The following POLE2 variants were observed in gnomAD, a reference collection of about 807,000 sequenced individuals.
The protein encoded by POLE2 is DNA polymerase epsilon 2, accessory subunit.
A neutral mutation model predicts 79.4 loss-of-function variants in POLE2; 56 were observed. The ratio of observed to expected loss-of-function variants is 0.71; its 90% CI spans 0.57 to 0.88. The LOEUF is 0.88. Ranked by LOEUF, POLE2 falls within the 40% of genes least tolerant of loss-of-function variation. The pLI, the probability that POLE2 is intolerant of heterozygous loss-of-function variation, is 0.00. For missense variants in POLE2, 598 were observed against 638.9 expected (o/e 0.94, Z 0.69); for synonymous variants, 212 against 214.0 (o/e 0.99, Z 0.08).
At chr14:49,665,678 T>G (rs200041138) in intron 7 of POLE2, among the ~76,000 whole-genome samples, 10 of 127,066 alleles carry the variant, frequency 7.9e-5, no homozygotes, top group Admixed American at 4.7e-4. Context: ...TTTTTCTGGG[T>G]TTTTTTTTTT....
chr14:49,669,538 C>T lies in POLE2; in HGVS notation c.478G>A (p.Gly160Arg), dbSNP rs752482051. Residue 160 changes from glycine to arginine, a missense_variant, in exon 6 of 19, where the codon GGA (glycine) becomes AGA (arginine). Coordinates refer to ENST00000216367, the MANE Select transcript of POLE2 (RefSeq NM_002692.4). Reference sequence around the variant, plus strand: ...AATGTTCTAACCTGGAATTTGCTTCCGCTTTCATCAGGGTGAGAACCTATC... The same window carrying T: ...AATGTTCTAACCTGGAATTTGCTTCTGCTTTCATCAGGGTGAGAACCTATC... ...PVIGSHPDESGSKFQLKTIET... is the reference protein window; with the variant it reads ...PVIGSHPDESRSKFQLKTIET... 54 of 1,582,620 alleles carry T rather than the reference C, an allele frequency of 3.4e-5. No homozygotes were observed. Among genetic ancestry groups the T allele is most frequent in the Non-Finnish European group, 4.5e-5 (52 of 1,151,704 alleles).
chr14:49,666,241 A>G (rs1885482533), intron 7 of POLE2, 89 bp downstream of exon 7: 3 of 701,786 alleles, frequency 4.3e-6, no homozygotes, highest in Non-Finnish European at 2.5e-6. Flanking sequence ...TAAAGAATAC[A>G]TTCCTGTGCC....
Position 49,683,695 on chromosome 14 carries a change from TAAGAA to T in POLE2, c.69-7_69-3del. 2 of 1,469,804 alleles carry T rather than the reference TAAGAA, an allele frequency of 1.4e-6. No homozygotes were observed. The highest frequency in any genetic ancestry group is 9.4e-7 in the Non-Finnish European group (1 of 1,062,470). The allele number at this position is 1,469,804 out of a possible 1,614,324, so 91.0% of individuals were successfully genotyped here. On this transcript the variant is annotated splice_region_variant and splice_polypyrimidine_tract_variant and intron_variant, in intron 1 of 18. Coordinates refer to ENST00000216367, the MANE Select transcript of POLE2 (RefSeq NM_002692.4). Reference sequence around the variant, plus strand: ...TCTGTGAGGTACTTAATAGCTTCACTAAGAAAAGGAAAGGAAAAATGAGGCAGGTC... The same window carrying T: ...TCTGTGAGGTACTTAATAGCTTCACTAAGGAAAGGAAAAATGAGGCAGGTC...
chr14:49,646,301 G>GTTTTTTTTTTTTTTTTTT lies in POLE2; in HGVS notation c.1565+991_1565+992insAAAAAAAAAAAAAAAAAA, dbSNP rs1566522550. 6.6e-5 allele frequency among the ~76,000 whole-genome samples: 6 copies of GTTTTTTTTTTTTTTTTTT among 90,770 alleles called. 1 individual carries two copies. Among genetic ancestry groups the GTTTTTTTTTTTTTTTTTT allele is most frequent in the African/African-American group, 2.8e-4 (6 of 21,068 alleles). The allele number at this position is 90,770 out of a possible 152,430, so 59.5% of individuals were successfully genotyped here. A position where few individuals can be genotyped will look rare whatever the true frequency, so the allele number is the denominator to read the frequency against. Reference sequence around the variant, plus strand: ...TGATTTGGTCAGTTGTTTTTTTGTTGGTTTTTTTTTTTTTTTTTTTTTTTT... The same window carrying GTTTTTTTTTTTTTTTTTT: ...TGATTTGGTCAGTTGTTTTTTTGTTGTTTTTTTTTTTTTTTTTTGTTTTTTTTTTTTTTTTTTTTTTTT... On this transcript the variant is annotated intron_variant, in intron 18 of 18. Coordinates refer to ENST00000216367, the MANE Select transcript of POLE2 (RefSeq NM_002692.4).
chr14:49,677,215 T>C (rs1322574910), intron 3 of POLE2, among the ~76,000 whole-genome samples: 1 of 152,194 alleles, frequency 6.6e-6, no homozygotes, highest in Non-Finnish European at 1.5e-5. Context: ...CAACATCCTT[T>C]ACCTCACGGC....
intron 10 of POLE2, 46 bp from the exon 11 acceptor site, chr14:49,655,889 T>A (rs1159205878): frequency 2.1e-6 from 2 of 974,604 alleles, no homozygotes; most frequent in Non-Finnish European, 3.1e-6. Flanking sequence ...ACTAGAGATA[T>A]TTTTCTAATA....
chr14:49,666,644 G>A (rs916785065), intron 6 of POLE2, among the ~76,000 whole-genome samples: 3 of 152,044 alleles, frequency 2.0e-5, no homozygotes, highest in African/African-American at 4.8e-5. Context: ...ACACCACATC[G>A]ACTCAGGCTC....
At position 49,666,437 on chromosome 14, in the gene POLE2, T is replaced by A. The variant is rs1885498764; in HGVS notation, c.493-24A>T. ...AGCTAAAATAAAACAAAATAAATTT[T>A]AAAGACTGTAAATATATTCTTTCAA... On this transcript the variant is annotated intron_variant, in intron 6 of 18. Coordinates refer to ENST00000216367, the MANE Select transcript of POLE2 (RefSeq NM_002692.4). The A allele has an allele frequency of 3.9e-6, 4 of 1,024,056 alleles. No homozygotes were observed. The African/African-American group carries it at 5.1e-5, about 13-fold the overall frequency. The allele number at this position is 1,024,056 out of a possible 1,614,324, so 63.4% of individuals were successfully genotyped here.
intron 2 of POLE2, among the ~76,000 whole-genome samples, chr14:49,682,398 G>A (rs890242583): frequency 1.3e-5 from 2 of 151,510 alleles, no homozygotes; most frequent in Non-Finnish European, 2.9e-5. Context: ...AGCACTTTGG[G>A]AGGCCGAGGT....
chr14:49,674,452 G>A, intron 3 of POLE2, 25 bp from the exon 4 acceptor site: 1 of 1,442,292 alleles, frequency 6.9e-7, no homozygotes, highest in Non-Finnish European at 9.7e-7. Flanking sequence ...ACAAAATACA[G>A]ACCTGATTTA....
chr14:49,655,564 G>T, intron 11 of POLE2, 107 bp downstream of exon 11: 1 of 783,350 alleles, frequency 1.3e-6, no homozygotes, highest in South Asian at 1.7e-5. Context: ...TGCTAACTCT[G>T]TTTTTTTTTA....
chr14:49,643,875 C>CTTTTTTTTTTTTTT (rs11361567), intron 18 of POLE2, among the ~76,000 whole-genome samples: 1 of 53,206 alleles, frequency 1.9e-5, no homozygotes. Flanking sequence ...AAATGTATGT[C>CTTTTTTTTTTTTTT]TTTTTTTTTT....
In POLE2 at chr14:49,688,190, C is replaced by T. The variant is rs1887311329; in HGVS notation, c.14G>A (p.Arg5Gln). ...GGCGGAGAGCGCCCGGCTCCGCAGCCGCTCCGGCGCCATATTTGCGATTTG... is the reference window on the plus strand; with the variant it reads ...GGCGGAGAGCGCCCGGCTCCGCAGCTGCTCCGGCGCCATATTTGCGATTTG... MAPE[R>Q]LRSRALSAFK... is the part of the protein sequence containing the mutation. Residue 5 changes from arginine to glutamine, a missense_variant, in exon 1 of 19, where the codon CGG becomes CAG. Transcript: ENST00000216367. 8 of 1,533,960 alleles carry T rather than the reference C, an allele frequency of 5.2e-6. No individual in the cohort carries two copies. The highest frequency in any genetic ancestry group is 7.0e-6 in the Non-Finnish European group (8 of 1,142,028).
chr14:49,682,551 CAT>C (rs1159354977), intron 2 of POLE2, among the ~76,000 whole-genome samples: 1 of 140,378 alleles, frequency 7.1e-6, no homozygotes, highest in Non-Finnish European at 1.5e-5. Context: ...GCAGGAGAAT[CAT>C]TTGAACCCAG....
At chr14:49,675,101 T>C (rs74960350) in intron 3 of POLE2, among the ~76,000 whole-genome samples, 1 of 152,112 alleles carries the variant, frequency 6.6e-6, no homozygotes, top group East Asian at 1.9e-4. Flanking sequence ...TTTTTTTTTT[T>C]GAGACAGAGT....
chr14:49,658,436 C>T (rs945401354), intron 10 of POLE2, among the ~76,000 whole-genome samples: 4 of 152,186 alleles, frequency 2.6e-5, no homozygotes, highest in Admixed American at 6.5e-5. Context: ...TCGACTTCAG[C>T]TGGGAACATG....
At chr14:49,686,923 A>G in intron 1 of POLE2, among the ~76,000 whole-genome samples, 1 of 152,150 alleles carries the variant, frequency 6.6e-6, no homozygotes, top group East Asian at 1.9e-4. Context: ...ATCTACACAC[A>G]CAAAAGCAAT....
chr14:49,666,275 C>A, intron 7 of POLE2, 55 bp downstream of exon 7: 1 of 869,908 alleles, frequency 1.1e-6, no homozygotes, highest in South Asian at 1.5e-5. Flanking sequence ...TTCTATGTAA[C>A]CGACATTTCA....
At chr14:49,674,884 C>T (rs568609670) in intron 3 of POLE2, among the ~76,000 whole-genome samples, 7 of 151,846 alleles carry the variant, frequency 4.6e-5, no homozygotes, top group African/African-American at 1.4e-4. Context: ...CTTATAGTGT[C>T]AAAAATACAA....
Sources: gnomAD v4.1 joint callset for allele counts (sites outside exome capture counted in the v4.1 genomes callset) on GRCh38, gnomAD v4.1.1 for gene constraint, MANE v1.5 for transcripts, NCBI Gene and HGNC (gene_info 2026-07-23, HGNC 2026-07-21) for gene names.